Variants in ANKRD30BL observed in about 807,000 individuals in gnomAD.
ANKRD30BL encodes the protein ankyrin repeat domain 30B like.
Under a neutral mutation model 18.4 loss-of-function variants are expected in ANKRD30BL, and 20 were observed. That is an observed-to-expected ratio of 1.09 (90% CI 0.77 to 1.58). The LOEUF (loss-of-function observed/expected upper bound fraction) is 1.58. ANKRD30BL is among the 40% of genes most tolerant of loss of function. The pLI, the probability that ANKRD30BL is intolerant of heterozygous loss-of-function variation, is 0.00. For missense variants in ANKRD30BL, 224 were observed against 268.6 expected (o/e 0.83, Z 1.16); for synonymous variants, 72 against 100.9 (o/e 0.71, Z 1.72).
At chr2:132,236,361 T>C (rs1680151498) in intron 1 of ANKRD30BL, among the ~76,000 whole-genome samples, 1 of 152,014 alleles carries the variant, frequency 6.6e-6, no homozygotes, top group Non-Finnish European at 1.5e-5. Context: ...GAGAACATTT[T>C]TGCAACCTAC....
chr2:132,217,416 G>A (rs1679536618), intron 1 of ANKRD30BL, among the ~76,000 whole-genome samples: 1 of 151,838 alleles, frequency 6.6e-6, no homozygotes, highest in Non-Finnish European at 1.5e-5. Context: ...TGAGACCTAT[G>A]GTTGAAAAGG....
chr2:132,182,273 G>C (rs1257666020), intron 1 of ANKRD30BL, among the ~76,000 whole-genome samples: 1 of 151,968 alleles, frequency 6.6e-6, no homozygotes, highest in Non-Finnish European at 1.5e-5. Flanking sequence ...ACGAGGTCAG[G>C]AGATCCATAC....
rs757069811 is a variant in ANKRD30BL, at chr2:132,154,681, C to A, written c.595G>T (p.Ala199Ser). The change falls in exon 4 of 6, where the codon GCA becomes TCA. Residue 199 changes from alanine to serine, a missense_variant. Physicochemically the swap from Ala to Ser is moderately conservative, Grantham distance 99. This residue lies in a region of ANKRD30BL where 63 missense variants were observed against 62.3 expected (regional missense o/e 1.01). Coordinates refer to ENST00000409867, the MANE Select transcript of ANKRD30BL (RefSeq NM_001358416.1). ...FLLTKNANAN[A>S]VDKFKCVHQQ... is the part of the protein sequence containing the mutation. ...CTATACCATTTAAACTTATCAACTG[C>A]ATTTGCATTTGCATTTTTTGTCAGT... is the stretch of plus-strand genomic sequence containing the variant. The A allele has an allele frequency of 1.4e-6, 1 of 723,358 alleles. No individual in the cohort carries two copies. The highest frequency in any genetic ancestry group is 2.6e-6 in the Non-Finnish European group (1 of 387,672). 44.8% of individuals were successfully genotyped at this position (723,358 alleles called of 1,614,324 possible).
chr2:132,157,061 G>A lies in ANKRD30BL; in HGVS notation c.419C>T (p.Thr140Ile), dbSNP rs1687926640. 7.2e-7 allele frequency: 1 copy of A among 1,397,910 alleles called. No homozygotes were observed. The highest frequency in any genetic ancestry group is 2.5e-5 in the East Asian group (1 of 40,418). 86.6% of individuals were successfully genotyped at this position (1,397,910 alleles called of 1,614,324 possible). The change falls in exon 3 of 6, where the codon ACA (threonine) becomes ATA (isoleucine). Residue 140 changes from threonine (T) to isoleucine (I), a missense_variant. Around this residue, in one of 3 missense-constraint regions of ANKRD30BL, gnomAD observed 30 missense variants for 77.5 expected, o/e 0.39. Transcript: ENST00000409867. ...DPNIVDVYGN[T>I]AVHYAVNSEN... Reference sequence around the variant, plus strand: ...ACTGTTAACAGCATAATGGACAGCTGTGTTGCCATACACATCTACAATATT... The same window carrying A: ...ACTGTTAACAGCATAATGGACAGCTATGTTGCCATACACATCTACAATATT...
chr2:132,240,725 C>G (rs79452513), intron 1 of ANKRD30BL, among the ~76,000 whole-genome samples: 2 of 151,806 alleles, frequency 1.3e-5, no homozygotes, highest in Non-Finnish European at 2.9e-5. Context: ...ATTAATCTCA[C>G]AGAGTTGAAC....
At chr2:132,158,795 C>A (rs1465010157) in intron 1 of ANKRD30BL, among the ~76,000 whole-genome samples, 1 of 150,128 alleles carries the variant, frequency 6.7e-6, no homozygotes, top group Non-Finnish European at 1.5e-5. Context: ...TGTAATAAAT[C>A]TATATATAAT....
intron 1 of ANKRD30BL, among the ~76,000 whole-genome samples, chr2:132,222,192 G>C (rs1449764871): frequency 2.1e-5 from 3 of 139,740 alleles, no homozygotes; most frequent in Admixed American, 2.1e-4. Flanking sequence ...CTGGCCAGCC[G>C]CCCCGTCCGG....
chr2:132,187,170 TTG>T (rs1177695797), intron 1 of ANKRD30BL, among the ~76,000 whole-genome samples: 136 of 144,686 alleles, frequency 9.4e-4, no homozygotes, highest in African/African-American at 3.6e-3. Context: ...AGGAAGTTTT[TTG>T]TTTTTTTTTT....
intron 1 of ANKRD30BL, among the ~76,000 whole-genome samples, chr2:132,178,053 G>A (rs999160233): frequency 6.6e-5 from 10 of 152,188 alleles, no homozygotes; most frequent in African/African-American, 2.4e-4. Flanking sequence ...AATATATCAA[G>A]GCAAGGACAT....
intron 1 of ANKRD30BL, among the ~76,000 whole-genome samples, chr2:132,209,655 T>C (rs1275090757): frequency 6.6e-6 from 1 of 152,010 alleles, no homozygotes; most frequent in Non-Finnish European, 1.5e-5. Flanking sequence ...TTTGGATCAG[T>C]TTGGGGCCTG....
chr2:132,252,573 G>A (rs1680684251), intron 1 of ANKRD30BL, among the ~76,000 whole-genome samples: 1 of 152,090 alleles, frequency 6.6e-6, no homozygotes, highest in Non-Finnish European at 1.5e-5. Flanking sequence ...GAGGAGGACG[G>A]TGCCTCAGAG....
intron 1 of ANKRD30BL, among the ~76,000 whole-genome samples, chr2:132,206,249 T>C (rs1679210908): frequency 6.6e-6 from 1 of 152,154 alleles, no homozygotes; most frequent in Admixed American, 6.6e-5. Flanking sequence ...GGAGGAAGTG[T>C]AATTTATGAT....
At position 132,161,487 on chromosome 2, in the gene ANKRD30BL, C is replaced by T. The variant is rs1410555301; in HGVS notation, c.218+1G>A. The T allele has an allele frequency of 2.7e-6, 4 of 1,455,302 alleles. No individual in the cohort carries two copies. Among genetic ancestry groups the T allele is most frequent in the Non-Finnish European group, 3.8e-6 (4 of 1,062,288 alleles). The allele number at this position is 1,455,302 out of a possible 1,614,324, so 90.1% of individuals were successfully genotyped here. ...GCCCCGGCTCAGGCAGGGCCTGGTACCTCTTCTTCGCATCTCTTATGTTCA... is the reference window on the plus strand; with the variant it reads ...GCCCCGGCTCAGGCAGGGCCTGGTATCTCTTCTTCGCATCTCTTATGTTCA... On this transcript the variant is annotated splice_donor_variant, in intron 1 of 5. Transcript: ENST00000409867. LOFTEE classifies it high-confidence loss of function.
At chr2:132,222,066 C>G (rs1451773440) in intron 1 of ANKRD30BL, among the ~76,000 whole-genome samples, 1 of 144,454 alleles carries the variant, frequency 6.9e-6, no homozygotes, top group East Asian at 2.1e-4. Context: ...CGGCCAGCCG[C>G]CCCGTCCGGG....
intron 1 of ANKRD30BL, among the ~76,000 whole-genome samples, chr2:132,167,324 T>TGAG (rs1688206371): frequency 7.5e-6 from 1 of 132,738 alleles, no homozygotes; most frequent in African/African-American, 2.7e-5. Flanking sequence ...TATTTTATTT[T>TGAG]ATTTTATTTT....
At chr2:132,155,294 T>C (rs1312841771) in intron 3 of ANKRD30BL, 2 of 152,198 alleles carry the variant, frequency 1.3e-5, no homozygotes, top group Non-Finnish European at 1.5e-5. Context: ...ACCTAATCCT[T>C]ATTTGACAGT....
At chr2:132,221,374 G>A (rs1331529155) in intron 1 of ANKRD30BL, among the ~76,000 whole-genome samples, 3 of 142,940 alleles carry the variant, frequency 2.1e-5, no homozygotes, top group African/African-American at 2.7e-5. Flanking sequence ...GGGGAGGGGG[G>A]GTCAGCCCCC....
intron 1 of ANKRD30BL, among the ~76,000 whole-genome samples, chr2:132,193,643 C>G (rs1039647381): frequency 6.6e-6 from 1 of 152,156 alleles, no homozygotes; most frequent in Admixed American, 6.5e-5. Context: ...TCTAAAGATG[C>G]AACTGAGGCA....
chr2:132,201,982 G>A (rs1679108025), intron 1 of ANKRD30BL, among the ~76,000 whole-genome samples: 1 of 152,196 alleles, frequency 6.6e-6, no homozygotes, highest in Non-Finnish European at 1.5e-5. Flanking sequence ...ATGAGTTCAT[G>A]TCCTTTGTAG....
Sources: gnomAD v4.1 joint callset for allele counts (sites outside exome capture counted in the v4.1 genomes callset) on GRCh38, gnomAD v4.1.1 for gene constraint, gnomAD v4.1.1 regional missense constraint, MANE v1.5 for transcripts, NCBI Gene and HGNC (gene_info 2026-07-23, HGNC 2026-07-21) for gene names.